Variants in WDFY3 observed in about 807,000 individuals in gnomAD.
The protein encoded by WDFY3 is WD repeat and FYVE domain-containing protein 3.
Under a neutral mutation model 409.6 loss-of-function variants are expected in WDFY3, and 66 were observed. That is an observed-to-expected ratio of 0.16 (90% CI 0.13 to 0.20). The LOEUF is 0.20. Among genes scored for constraint, WDFY3 ranks in the 10% least tolerant of loss-of-function variants. The probability of loss-of-function intolerance (pLI) is 1.00; values close to 1 mark genes in which losing one functional copy is unlikely to be tolerated. For missense variants in WDFY3, 3,031 were observed against 4,298.1 expected, an observed-to-expected ratio of 0.71 and a Z score of 8.24; for synonymous variants, 1,521 against 1,537.1, an observed-to-expected ratio of 0.99 and a Z score of 0.25.
At position 84,678,928 on chromosome 4, in the gene WDFY3, A is replaced by G. The variant is rs1726831722; in HGVS notation, c.10138T>C (p.Leu3380=). 1.2e-6 allele frequency: 2 copies of G among 1,611,158 alleles called. No individual in the cohort carries two copies. Among genetic ancestry groups the G allele is most frequent in the Non-Finnish European group, 1.7e-6 (2 of 1,178,280 alleles). ...NPIEVRNYSR[L]KPGYRWERQL... ...CCAGACTTCAAGTTACCAGGTTTCA[A>G]TCTGCTGTAATTCCGCACCTCAATG... The change falls in exon 65 of 68, where the codon TTG becomes CTG. Residue 3380 remains leucine (L), a synonymous_variant. Transcript: ENST00000295888.
chr4:84,685,101 A>T (rs1384539722), intron 62 of WDFY3, among the ~76,000 whole-genome samples: 1 of 152,192 alleles, frequency 6.6e-6, no homozygotes, highest in East Asian at 1.9e-4. Flanking sequence ...TTCCTAAGAT[A>T]GTCTGTTTGT....
intron 46 of WDFY3, 38 bp from the exon 47 acceptor site, chr4:84,721,610 A>G: frequency 6.3e-7 from 1 of 1,595,560 alleles, no homozygotes; most frequent in Non-Finnish European, 8.5e-7. Flanking sequence ...GTGGCATTGT[A>G]AGGACCTTGT....
intron 9 of WDFY3, among the ~76,000 whole-genome samples, chr4:84,828,030 T>C (rs1397114987): frequency 6.8e-6 from 1 of 147,698 alleles, no homozygotes; most frequent in Admixed American, 6.8e-5. Flanking sequence ...TATCGAGCTA[T>C]GATTATGCCA....
chr4:84,807,780 T>C lies in WDFY3; in HGVS notation c.2429+554A>G, dbSNP rs1751762532. ...ACAGAGCACTGATCAAAGTAAGTAT[T>C]GGGGTGGGTTTTTTACTAACTTTTT... On this transcript the variant is annotated intron_variant, in intron 15 of 67. Transcript: ENST00000295888. Among the ~76,000 whole-genome samples the C allele has an allele frequency of 2.0e-5, 3 of 152,118 alleles. No individual in the cohort carries two copies. In the South Asian group the frequency reaches 6.2e-4, roughly 32 times the overall value.
chr4:84,778,717 A>C, intron 26 of WDFY3, 62 bp from the exon 27 acceptor site: 1 of 1,523,420 alleles, frequency 6.6e-7, no homozygotes, highest in South Asian at 1.3e-5. Flanking sequence ...TTACACACAC[A>C]CAAACACACA....
chr4:84,772,715 A>T, intron 30 of WDFY3, 120 bp downstream of exon 30: 3 of 799,832 alleles, frequency 3.8e-6, no homozygotes, highest in Non-Finnish European at 5.8e-6. Context: ...TAATGTAAGG[A>T]GAAAAGTTAT....
chr4:84,817,582 A>C lies in WDFY3; in HGVS notation c.1697T>G (p.Ile566Ser), dbSNP rs1274422314. The C allele has an allele frequency of 6.3e-7, 1 of 1,593,178 alleles. No individual in the cohort carries two copies. Among genetic ancestry groups the C allele is most frequent in the Non-Finnish European group, 8.6e-7 (1 of 1,168,466 alleles). The change falls in exon 13 of 68, where the codon ATT becomes AGT. Residue 566 changes from isoleucine to serine, a missense_variant. By Grantham distance (142) the Ile-to-Ser change is moderately radical. This residue lies in a region of WDFY3 where 1,322 missense variants were observed against 1,697.9 expected (regional missense o/e 0.78). Coordinates refer to ENST00000295888, the MANE Select transcript of WDFY3 (RefSeq NM_014991.6). ...LLQGSNTNAGIFREFGGARCA... is the reference protein window; with the variant it reads ...LLQGSNTNAGSFREFGGARCA... ...TCTTGCACCTCCAAATTCTCGAAAA[A>C]TTCCTTGAAGGAAGGAGAAAAAGTC...
Position 84,704,380 on chromosome 4 carries a change from A to G in WDFY3, c.8400T>C (p.Leu2800=), listed in dbSNP as rs904208004. The G allele has an allele frequency of 1.9e-6, 3 of 1,612,782 alleles. No individual in the cohort carries two copies. The part of the protein sequence containing the change: ...YSSAMIVASY[L]VRMEPFTQIF... ...TCTGTGTGAAAGGCTCCATCCTTACAAGGTATGAGGCCACAATCATTGCAG... is the reference window on the plus strand; with the variant it reads ...TCTGTGTGAAAGGCTCCATCCTTACGAGGTATGAGGCCACAATCATTGCAG... The change falls in exon 55 of 68, where the codon CTT becomes CTC. Residue 2800 remains leucine (L), a synonymous_variant. Transcript: ENST00000295888.
At position 84,679,007 on chromosome 4, in the gene WDFY3, C is replaced by T. The variant is rs1463926653; in HGVS notation, c.10059G>A (p.Glu3353=). The T allele has an allele frequency of 1.2e-6, 2 of 1,614,234 alleles. No individual in the cohort carries two copies. Among genetic ancestry groups the T allele is most frequent in the South Asian group, 2.2e-5 (2 of 91,084 alleles). The change falls in exon 65 of 68, where the codon GAG becomes GAA. Residue 3353 remains glutamate (E), a synonymous_variant. Coordinates refer to ENST00000295888, the MANE Select transcript of WDFY3 (RefSeq NM_014991.6). ...KDGFIFVNYS[E]GQTRAHLQGP... ...CCTGCAGATGGGCTCTGGTCTGGCC[C>T]TCTGAATAGTTCACAAATATGAAGC...
At chr4:84,849,257 T>TA (rs1209340174) in intron 5 of WDFY3, among the ~76,000 whole-genome samples, 2 of 152,012 alleles carry the variant, frequency 1.3e-5, no homozygotes, top group Admixed American at 6.6e-5. Context: ...CAGAGACCCC[T>TA]AAGTAGCTTA....
chr4:84,754,283 C>T (rs1204257139), intron 34 of WDFY3, among the ~76,000 whole-genome samples: 2 of 152,094 alleles, frequency 1.3e-5, no homozygotes, highest in Non-Finnish European at 2.9e-5. Flanking sequence ...TTCTGAGCCT[C>T]ACTCTTAAGC....
intron 4 of WDFY3, among the ~76,000 whole-genome samples, chr4:84,858,634 G>C (rs1760102596): frequency 6.6e-6 from 1 of 151,768 alleles, no homozygotes; most frequent in Admixed American, 6.6e-5. Flanking sequence ...GATTAAGAAG[G>C]CTTAAGCTGA....
intron 57 of WDFY3, 91 bp downstream of exon 57, chr4:84,696,641 C>T: frequency 1.5e-6 from 2 of 1,292,738 alleles, no homozygotes; most frequent in Non-Finnish European, 2.2e-6. Flanking sequence ...TAGTAACAAA[C>T]AGGTGGTACT....
chr4:84,852,670 AT>A (rs558085707), intron 4 of WDFY3, among the ~76,000 whole-genome samples: 2 of 151,874 alleles, frequency 1.3e-5, no homozygotes, highest in African/African-American at 4.8e-5. Context: ...TCCTCAACAC[AT>A]TTTTTTCCTG....
chr4:84,876,489 G>T (rs1762801473), intron 3 of WDFY3, among the ~76,000 whole-genome samples: 1 of 152,120 alleles, frequency 6.6e-6, no homozygotes, highest in Admixed American at 6.5e-5. Flanking sequence ...TTATTACATG[G>T]AAAGCACTTA....
intron 36 of WDFY3, among the ~76,000 whole-genome samples, chr4:84,748,886 C>CTT (rs767776382): frequency 6.9e-6 from 1 of 145,236 alleles, no homozygotes; most frequent in Non-Finnish European, 1.5e-5. Flanking sequence ...TTCTCTCTCT[C>CTT]TTTTTTTTTT....
chr4:84,849,905 T>C lies in WDFY3; in HGVS notation c.301A>G (p.Thr101Ala). 1 of 1,611,802 alleles carries C rather than the reference T, an allele frequency of 6.2e-7. No individual in the cohort carries two copies. Among genetic ancestry groups the C allele is most frequent in the Non-Finnish European group, 8.5e-7 (1 of 1,179,436 alleles). The change falls in exon 5 of 68, where the codon ACA (threonine) becomes GCA (alanine). Residue 101 changes from threonine to alanine, a missense_variant. Coordinates refer to ENST00000295888, the MANE Select transcript of WDFY3 (RefSeq NM_014991.6). Reference sequence around the variant, plus strand: ...TTGCTGGCTACTGTAAAAATACCTGTGGATTTGTTTGATGCTCTCCTTCGA... The same window carrying C: ...TTGCTGGCTACTGTAAAAATACCTGCGGATTTGTTTGATGCTCTCCTTCGA... ...EIRRRASNKS[T>A]EAASRAIVQF...
At chr4:84,892,636 A>G (rs1048525939) in intron 3 of WDFY3, among the ~76,000 whole-genome samples, 2 of 152,142 alleles carry the variant, frequency 1.3e-5, no homozygotes, top group African/African-American at 4.8e-5. Flanking sequence ...TGTGTTGCCT[A>G]TTGTTTGCTG....
In WDFY3 at chr4:84,751,731, T is replaced by G. The variant is rs758375753; in HGVS notation, c.5740-15A>C. ...AGGTCAGTCACCTAGTAAAATCAAG[T>G]GGAAAGATACGGTAATCACATTAGA... On this transcript the variant is annotated splice_polypyrimidine_tract_variant and intron_variant, in intron 35 of 67. Coordinates refer to ENST00000295888, the MANE Select transcript of WDFY3 (RefSeq NM_014991.6). 1 of 1,613,502 alleles carries G rather than the reference T, an allele frequency of 6.2e-7. No individual in the cohort carries two copies. Among genetic ancestry groups the G allele is most frequent in the Non-Finnish European group, 8.5e-7 (1 of 1,179,448 alleles).
Sources: allele counts gnomAD v4.1 joint callset (sites outside exome capture counted in the v4.1 genomes callset), GRCh38; gene constraint gnomAD v4.1.1; regional missense constraint gnomAD v4.1.1; transcripts MANE v1.5; gene names NCBI Gene and HGNC (gene_info 2026-07-23, HGNC 2026-07-21).